The following RTN4RL1 variants were observed in gnomAD, a reference collection of about 807,000 sequenced individuals.
RTN4RL1 encodes the protein reticulon 4 receptor like 1, also known as reticulon-4 receptor-like 1.
A neutral mutation model predicts 25.6 loss-of-function variants in RTN4RL1; 7 were observed. The ratio of observed to expected loss-of-function variants is 0.27; its 90% CI spans 0.16 to 0.51. The LOEUF (loss-of-function observed/expected upper bound fraction) is 0.51, where lower values mean the gene tolerates loss of function less well. Among genes scored for constraint, RTN4RL1 ranks in the 20% least tolerant of loss-of-function variants. The pLI, the probability that RTN4RL1 is intolerant of heterozygous loss-of-function variation, is 0.97. For synonymous variants in RTN4RL1, 297 were observed against 288.2 expected (o/e 1.03, Z -0.31); for missense variants, 500 against 615.6 (o/e 0.81, Z 1.99).
chr17:1,982,601 G>A lies in RTN4RL1; in HGVS notation c.13+42252C>T, dbSNP rs550176688. 2.0e-4 allele frequency among the ~76,000 whole-genome samples: 29 copies of A among 148,396 alleles called. No individual in the cohort carries two copies. The East Asian group carries it at 3.7e-3, about 19-fold the overall frequency. The stretch of plus-strand genomic sequence containing the variant: ...TGCACTCCAGCCTGGGGGTCAGAGC[G>A]AGACTCCGTCTCAAAAGAAAAGAAA... On this transcript the variant is annotated intron_variant, in intron 1 of 1. Coordinates refer to ENST00000331238, the MANE Select transcript of RTN4RL1 (RefSeq NM_178568.4).
intron 1 of RTN4RL1, among the ~76,000 whole-genome samples, chr17:1,993,142 G>A (rs2066916630): frequency 6.6e-6 from 1 of 152,160 alleles, no homozygotes; most frequent in South Asian, 2.1e-4. Context: ...CAGCTATTCG[G>A]GAGGCTGAGG....
At chr17:1,990,203 T>A in intron 1 of RTN4RL1, among the ~76,000 whole-genome samples, 1 of 151,798 alleles carries the variant, frequency 6.6e-6, no homozygotes, top group Non-Finnish European at 1.5e-5. Context: ...CTGCTAAAAA[T>A]AAAAAATTAG....
intron 1 of RTN4RL1, among the ~76,000 whole-genome samples, chr17:1,989,209 G>A (rs1177651698): frequency 6.6e-6 from 1 of 152,156 alleles, no homozygotes; most frequent in Non-Finnish European, 1.5e-5. Flanking sequence ...TAAAGGATGT[G>A]CAGGAGATGG....
chr17:1,969,564 C>T (rs1014687803), intron 1 of RTN4RL1, among the ~76,000 whole-genome samples: 4 of 152,190 alleles, frequency 2.6e-5, no homozygotes, highest in Admixed American at 6.5e-5. Context: ...CTTCCCTAAG[C>T]GAACAGCCTC....
intron 1 of RTN4RL1, among the ~76,000 whole-genome samples, chr17:1,971,331 C>T (rs892477346): frequency 6.6e-6 from 1 of 152,192 alleles, no homozygotes; most frequent in African/African-American, 2.4e-5. Flanking sequence ...TGAGGCCTCC[C>T]CAGTCACGCA....
chr17:1,939,170 G>A (rs868481943), intron 1 of RTN4RL1, among the ~76,000 whole-genome samples: 1 of 151,816 alleles, frequency 6.6e-6, no homozygotes, highest in Non-Finnish European at 1.5e-5. Flanking sequence ...GGCTAACACG[G>A]CGAAACCCCG....
chr17:2,006,270 G>A lies in RTN4RL1; in HGVS notation c.13+18583C>T, dbSNP rs543220497. Among the ~76,000 whole-genome samples, 200 of 151,468 alleles carry A rather than the reference G, an allele frequency of 1.3e-3. 1 individual carries two copies. The highest frequency in any genetic ancestry group is 4.7e-3 in the African/African-American group (192 of 41,226). On this transcript the variant is annotated intron_variant, in intron 1 of 1. Transcript: ENST00000331238. The stretch of plus-strand genomic sequence containing the variant: ...CCTCCCAGGTTCAAGCAATTCTCAA[G>A]CTTCAGCCTCCCAAGTAGCTGGGAT...
intron 1 of RTN4RL1, among the ~76,000 whole-genome samples, chr17:1,951,599 C>T (rs574784833): frequency 2.0e-4 from 30 of 151,992 alleles, no homozygotes; most frequent in Non-Finnish European, 3.2e-4. Context: ...TACAGGCACA[C>T]GCCACCACAC....
chr17:1,947,293 C>T (rs1220973330), intron 1 of RTN4RL1, among the ~76,000 whole-genome samples: 4 of 152,152 alleles, frequency 2.6e-5, no homozygotes, highest in East Asian at 1.9e-4. Flanking sequence ...CGTGCAAAGC[C>T]GATGCATGTG....
Position 2,001,229 on chromosome 17 carries a change from T to C in RTN4RL1, c.13+23624A>G, listed in dbSNP as rs569728460. ...TTTCCATGTGCCAGACACTGGACTATGTTTAGCTTATTTGATCCTCTGGGT... is the reference window on the plus strand; with the variant it reads ...TTTCCATGTGCCAGACACTGGACTACGTTTAGCTTATTTGATCCTCTGGGT... On this transcript the variant is annotated intron_variant, in intron 1 of 1. Transcript: ENST00000331238. 1.6e-3 allele frequency among the ~76,000 whole-genome samples: 236 copies of C among 151,354 alleles called. 6 individuals carry two copies. Among genetic ancestry groups the C allele is most frequent in the Admixed American group, 0.015 (234 of 15,188 alleles).
intron 1 of RTN4RL1, among the ~76,000 whole-genome samples, chr17:2,024,507 G>A (rs2067248536): frequency 6.6e-6 from 1 of 152,148 alleles, no homozygotes; most frequent in Non-Finnish European, 1.5e-5. Flanking sequence ...GCCCGCGCAG[G>A]GAATGGAGGC....
At chr17:1,954,183 T>A (rs1384787485) in intron 1 of RTN4RL1, among the ~76,000 whole-genome samples, 1 of 152,192 alleles carries the variant, frequency 6.6e-6, no homozygotes, top group Non-Finnish European at 1.5e-5. Flanking sequence ...TGTCCAGAAG[T>A]GTCCCAACAC....
rs1915329915 is a variant in RTN4RL1, at chr17:1,937,278, C to T, written c.544G>A (p.Gly182Ser). 15 of 1,612,712 alleles carry T rather than the reference C, an allele frequency of 9.3e-6. No homozygotes were observed. The highest frequency in any genetic ancestry group is 3.3e-5 in the South Asian group (3 of 91,070). The part of the protein sequence containing the change: ...LVNLSHLFLH[G>S]NKLWSLGPGT... Reference sequence around the variant, plus strand: ...GGGCCCAGACTCCACAGCTTGTTGCCGTGGAGAAACAGGTGGCTGAGGTTG... The same window carrying T: ...GGGCCCAGACTCCACAGCTTGTTGCTGTGGAGAAACAGGTGGCTGAGGTTG... The change falls in exon 2 of 2, where the codon GGC becomes AGC. Residue 182 changes from glycine (G) to serine (S), a missense_variant. Physicochemically the swap from Gly to Ser is moderately conservative, Grantham distance 56. This residue lies in a region of RTN4RL1 where 232 missense variants were observed against 341.1 expected (regional missense o/e 0.68). Coordinates refer to ENST00000331238, the MANE Select transcript of RTN4RL1 (RefSeq NM_178568.4).
At chr17:2,014,027 G>A (rs2067086909) in intron 1 of RTN4RL1, among the ~76,000 whole-genome samples, 1 of 152,212 alleles carries the variant, frequency 6.6e-6, no homozygotes, top group African/African-American at 2.4e-5. Context: ...TCAGTTCCTG[G>A]CATTTCCTTG....
chr17:1,936,102 T>A lies in RTN4RL1; in HGVS notation c.*394A>T. On this transcript the variant is annotated 3_prime_UTR_variant, in exon 2 of 2. Transcript: ENST00000331238. ...TCATTTGTTCTTCTCTGCGTCCTGC[T>A]TTCTCCAGGAACCACGGGGCCCTCC... The A allele has an allele frequency of 9.8e-7, 1 of 1,021,592 alleles. No individual in the cohort carries two copies. The highest frequency in any genetic ancestry group is 1.7e-5 in the African/African-American group (1 of 58,368). 63.3% of individuals were successfully genotyped at this position (1,021,592 alleles called of 1,614,324 possible).
intron 1 of RTN4RL1, among the ~76,000 whole-genome samples, chr17:1,983,858 A>G (rs4450433): frequency 0.24 from 35,924 of 151,974 alleles, 4,743 homozygotes; most frequent in African/African-American, 0.35. Context: ...CTAACTCCGT[A>G]CTCATGACTC....
chr17:2,002,442 G>T (rs573627287), intron 1 of RTN4RL1, among the ~76,000 whole-genome samples: 1 of 149,284 alleles, frequency 6.7e-6, no homozygotes, highest in Non-Finnish European at 1.5e-5. Context: ...ACAGGCGCCC[G>T]CCACCTCGCC....
At chr17:2,011,173 C>T (rs2067044809) in intron 1 of RTN4RL1, among the ~76,000 whole-genome samples, 2 of 152,150 alleles carry the variant, frequency 1.3e-5, no homozygotes, top group African/African-American at 2.4e-5. Context: ...ATGGCTTGAA[C>T]CTGGGAGGCG....
chr17:1,969,356 C>T (rs1442467857), intron 1 of RTN4RL1, among the ~76,000 whole-genome samples: 1 of 152,098 alleles, frequency 6.6e-6, no homozygotes, highest in African/African-American at 2.4e-5. Context: ...CATGCCCGGC[C>T]CGGACCACTG....
Sources: gnomAD v4.1 joint callset for allele counts (sites outside exome capture counted in the v4.1 genomes callset) on GRCh38, gnomAD v4.1.1 for gene constraint, gnomAD v4.1.1 regional missense constraint, MANE v1.5 for transcripts, NCBI Gene and HGNC (gene_info 2026-07-23, HGNC 2026-07-21) for gene names.